Variants in TSGA10 observed in about 807,000 individuals in gnomAD.
The protein encoded by TSGA10 is testis specific 10.
TSGA10 carries 43 observed loss-of-function variants against 96.6 expected under a neutral mutation model. The ratio of observed to expected loss-of-function variants is 0.44; its 90% CI spans 0.35 to 0.57. The LOEUF (loss-of-function observed/expected upper bound fraction) is 0.57. Ranked by LOEUF, TSGA10 falls within the 20% of genes least tolerant of loss-of-function variation. The pLI is 0.01. For synonymous variants in TSGA10, 229 were observed against 269.9 expected, an observed-to-expected ratio of 0.85 and a Z score of 1.48; for missense variants, 703 against 834.4, an observed-to-expected ratio of 0.84 and a Z score of 1.94.
At chr2:99,120,160 A>C (rs941180535) in intron 2 of TSGA10, among the ~76,000 whole-genome samples, 5 of 152,186 alleles carry the variant, frequency 3.3e-5, no homozygotes, top group African/African-American at 1.2e-4. Context: ...TCAACACATC[A>C]CTTGTTTCTG....
intron 20 of TSGA10, among the ~76,000 whole-genome samples, chr2:99,005,440 A>C (rs540862294): frequency 0.012 from 1,775 of 152,340 alleles, 11 homozygotes; most frequent in Middle Eastern, 0.027. Context: ...CAACTTCAGC[A>C]AAGTCTCAGG....
intron 1 of TSGA10, among the ~76,000 whole-genome samples, chr2:99,139,344 A>G (rs2093441492): frequency 6.6e-6 from 1 of 152,362 alleles, no homozygotes; most frequent in Admixed American, 6.5e-5. Flanking sequence ...AGGAGCTAAG[A>G]TTATATAATA....
intron 1 of TSGA10, among the ~76,000 whole-genome samples, chr2:99,134,781 C>T (rs749947312): frequency 3.3e-5 from 5 of 152,006 alleles, no homozygotes; most frequent in Non-Finnish European, 5.9e-5. Context: ...TCTGTGTGGA[C>T]GTCATTTTTG....
chr2:99,067,660 C>T (rs571679072), intron 15 of TSGA10, among the ~76,000 whole-genome samples: 9 of 152,098 alleles, frequency 5.9e-5, no homozygotes, highest in Admixed American at 2.6e-4. Flanking sequence ...CGAGACCAGA[C>T]TGGCTAACAT....
chr2:99,133,790 A>ATATC (rs1276150101), intron 1 of TSGA10, among the ~76,000 whole-genome samples: 1 of 152,194 alleles, frequency 6.6e-6, no homozygotes, highest in African/African-American at 2.4e-5. Context: ...TGGTGACAAA[A>ATATC]TATCTCAGCA....
intron 18 of TSGA10, 98 bp downstream of exon 18, chr2:99,020,182 T>G (rs1259083801): frequency 1.4e-5 from 14 of 999,356 alleles, no homozygotes; most frequent in Non-Finnish European, 2.1e-5. Flanking sequence ...TTAGGCAAAG[T>G]ATAGAAGGCA....
At chr2:99,047,333 C>G (rs2082892517) in intron 16 of TSGA10, among the ~76,000 whole-genome samples, 1 of 152,144 alleles carries the variant, frequency 6.6e-6, no homozygotes, top group South Asian at 2.1e-4. Flanking sequence ...CAATAAAATA[C>G]TGGCAAACCG....
chr2:99,147,202 T>G, intron 1 of TSGA10: 1 of 411,336 alleles, frequency 2.4e-6, no homozygotes, highest in Non-Finnish European at 4.3e-6. Context: ...GGTCTCCCTA[T>G]GTTGCCCAGG....
At chr2:99,110,347 A>G (rs1172424348) in intron 5 of TSGA10, among the ~76,000 whole-genome samples, 4 of 152,230 alleles carry the variant, frequency 2.6e-5, no homozygotes, top group Non-Finnish European at 5.9e-5. Context: ...TTTATTTAAC[A>G]ATACTTTATT....
chr2:99,068,789 G>T (rs2085569140), intron 15 of TSGA10, 99 bp downstream of exon 15: 3 of 498,946 alleles, frequency 6.0e-6, no homozygotes, highest in Non-Finnish European at 1.0e-5. Flanking sequence ...ATGTATTAAA[G>T]AAAGCTTTGA....
chr2:99,089,530 C>T (rs962487048), intron 10 of TSGA10, among the ~76,000 whole-genome samples: 6 of 152,282 alleles, frequency 3.9e-5, no homozygotes, highest in African/African-American at 1.2e-4. Context: ...GCCCTGCTTG[C>T]CCACTGCCTG....
chr2:99,071,578 AT>A, intron 14 of TSGA10, 127 bp downstream of exon 14: 1 of 808,410 alleles, frequency 1.2e-6, no homozygotes, highest in South Asian at 2.3e-5. Context: ...CTATTTTGTT[AT>A]TTTTTAAAAA....
intron 16 of TSGA10, among the ~76,000 whole-genome samples, chr2:99,058,065 G>T (rs2084206048): frequency 1.3e-5 from 2 of 152,174 alleles, no homozygotes; most frequent in South Asian, 4.1e-4. Flanking sequence ...GCAAAAGAAT[G>T]AATTTGGACC....
At chr2:99,118,786 G>C (rs547103821) in intron 2 of TSGA10, 100 bp from the exon 3 acceptor site, 9 of 431,290 alleles carry the variant, frequency 2.1e-5, no homozygotes, top group African/African-American at 1.9e-4. Context: ...CCTGCCCTCA[G>C]GGAACTCTTT....
chr2:99,143,075 T>C (rs1287362214), intron 1 of TSGA10, among the ~76,000 whole-genome samples: 1 of 151,482 alleles, frequency 6.6e-6, no homozygotes, highest in East Asian at 1.9e-4. Context: ...AGTAAAAATT[T>C]CCTTCCCTCT....
intron 15 of TSGA10, among the ~76,000 whole-genome samples, chr2:99,066,212 T>G (rs577105614): frequency 1.1e-3 from 164 of 152,356 alleles, no homozygotes; most frequent in Non-Finnish European, 1.7e-3. Flanking sequence ...TGGCCTCTAA[T>G]GTGAAAGATC....
intron 16 of TSGA10, among the ~76,000 whole-genome samples, chr2:99,049,681 TA>T (rs1486974165): frequency 6.6e-6 from 1 of 152,088 alleles, no homozygotes; most frequent in African/African-American, 2.4e-5. Context: ...TACACCTATG[TA>T]ACAAAGCTGC....
chr2:99,138,331 A>G (rs1349527339), intron 1 of TSGA10, among the ~76,000 whole-genome samples: 1 of 152,226 alleles, frequency 6.6e-6, no homozygotes, highest in Non-Finnish European at 1.5e-5. Flanking sequence ...ATTTGCACTT[A>G]TCACTACTTG....
chr2:99,038,835 A>T (rs865986864), intron 16 of TSGA10, among the ~76,000 whole-genome samples: 3 of 152,182 alleles, frequency 2.0e-5, no homozygotes, highest in Non-Finnish European at 4.4e-5. Flanking sequence ...TGCAGGACAT[A>T]CATTCTATTC....
Sources: allele counts gnomAD v4.1 joint callset (sites outside exome capture counted in the v4.1 genomes callset), GRCh38; gene constraint gnomAD v4.1.1; transcripts MANE v1.5; gene names NCBI Gene and HGNC (gene_info 2026-07-23, HGNC 2026-07-21).